The following PCDHGA5 variants were observed in gnomAD, a reference collection of about 807,000 sequenced individuals.
The protein encoded by PCDHGA5 is protocadherin gamma-A5.
In PCDHGA5, 36 loss-of-function variants were observed where a neutral mutation model predicts 56.7. The ratio of observed to expected loss-of-function variants is 0.64; its 90% CI spans 0.49 to 0.84. PCDHGA5 has a LOEUF of 0.84. Ranked by LOEUF, PCDHGA5 falls within the 40% of genes least tolerant of loss-of-function variation. The pLI, the probability that PCDHGA5 is intolerant of heterozygous loss-of-function variation, is 0.00. For missense variants in PCDHGA5, 1,305 were observed against 1,201.5 expected (o/e 1.09, Z -1.27); for synonymous variants, 563 against 520.2 (o/e 1.08, Z -1.12).
At chr5:141,456,309 A>T (rs1305324857) in intron 1 of PCDHGA5, among the ~76,000 whole-genome samples, 1 of 152,138 alleles carries the variant, frequency 6.6e-6, no homozygotes, top group Non-Finnish European at 1.5e-5. Flanking sequence ...AACAGCAGCT[A>T]GGGCTCCTCC....
At chr5:141,371,726 T>G (rs769173416) in intron 1 of PCDHGA5, 3 of 1,613,932 alleles carry the variant, frequency 1.9e-6, no homozygotes, top group Non-Finnish European at 2.5e-6. Context: ...ACATCCTTGA[T>G]GTCAACGACA....
In PCDHGA5 at chr5:141,485,632, G is replaced by A. The variant is rs1335265010; in HGVS notation, c.2422-9175G>A. On this transcript the variant is annotated intron_variant, in intron 1 of 3. Transcript: ENST00000518069. This position sits in a 1 kb window ranked among gnomAD's most constrained non-coding sequence, Gnocchi z 5.7. ...CAGCTCCTCCAGGACAGCGTTTCCCGTTGGAAAAGGCTCAGGATGCAGATG... is the reference window on the plus strand; with the variant it reads ...CAGCTCCTCCAGGACAGCGTTTCCCATTGGAAAAGGCTCAGGATGCAGATG... 1.2e-6 allele frequency: 2 copies of A among 1,611,766 alleles called. No homozygotes were observed. The highest frequency in any genetic ancestry group is 1.7e-6 in the Non-Finnish European group (2 of 1,178,342).
At chr5:141,410,515 G>T in intron 1 of PCDHGA5, 1 of 1,613,946 alleles carries the variant, frequency 6.2e-7, no homozygotes, top group South Asian at 1.1e-5. Flanking sequence ...AATGCAGTGT[G>T]CCCCTACATT....
chr5:141,446,482 C>A (rs961785845), intron 1 of PCDHGA5, among the ~76,000 whole-genome samples: 2 of 146,988 alleles, frequency 1.4e-5, no homozygotes, highest in Non-Finnish European at 3.0e-5. Flanking sequence ...GGTCATCATT[C>A]TTTTTTTTTT....
intron 1 of PCDHGA5, among the ~76,000 whole-genome samples, chr5:141,458,992 C>G (rs1268862644): frequency 6.6e-6 from 1 of 152,190 alleles, no homozygotes; most frequent in African/African-American, 2.4e-5. Flanking sequence ...CTCACCCTCC[C>G]AAAGTGCTGG....
chr5:141,417,709 C>T lies in PCDHGA5; in HGVS notation c.2421+50958C>T, dbSNP rs533902963. 1.5e-5 allele frequency: 18 copies of T among 1,238,872 alleles called. No individual in the cohort carries two copies. The East Asian group carries it at 1.8e-4, about 12-fold the overall frequency. 76.7% of individuals were successfully genotyped at this position (1,238,872 alleles called of 1,614,324 possible). ...AAGAAAACCAGCTCCCACACAGAGG[C>T]TCCCGGCTGCGCAGACCTTGCCCAG... On this transcript the variant is annotated intron_variant, in intron 1 of 3. Coordinates refer to ENST00000518069, the MANE Select transcript of PCDHGA5 (RefSeq NM_018918.3).
intron 1 of PCDHGA5, chr5:141,398,887 A>T: frequency 6.2e-7 from 1 of 1,613,976 alleles, no homozygotes; most frequent in Non-Finnish European, 8.5e-7. Context: ...CCTTCGGGAA[A>T]ACGTGCCACC....
At chr5:141,418,603 G>A (rs769167342) in intron 1 of PCDHGA5, 7 of 1,613,902 alleles carry the variant, frequency 4.3e-6, no homozygotes, top group East Asian at 4.5e-5. Context: ...ACGTGTACAG[G>A]GTTAGCCTTC....
chr5:141,423,415 G>GA (rs750028507), intron 1 of PCDHGA5: 3 of 1,614,134 alleles, frequency 1.9e-6, no homozygotes, highest in Non-Finnish European at 2.5e-6. Context: ...GCAGGCTTCT[G>GA]AAGGCGGGTT....
At chr5:141,390,969 G>A (rs1232299434) in intron 1 of PCDHGA5, 5 of 152,168 alleles carry the variant, frequency 3.3e-5, no homozygotes, top group African/African-American at 4.8e-5. Flanking sequence ...TGTAACATAG[G>A]AGTTTCAGGA....
rs779949817 is a variant in PCDHGA5 at position 141,487,266 on chromosome 5, T to G, written c.2422-7541T>G. The G allele has an allele frequency of 6.2e-7, 1 of 1,614,054 alleles. No individual in the cohort carries two copies. The highest frequency in any genetic ancestry group is 8.5e-7 in the Non-Finnish European group (1 of 1,180,044). On this transcript the variant is annotated intron_variant, in intron 1 of 3. Transcript: ENST00000518069. This position sits in a 1 kb window ranked among gnomAD's most constrained non-coding sequence, Gnocchi z 5.0. The stretch of plus-strand genomic sequence containing the variant: ...ACCCTCTACTTGGCTGTGTCCCTAG[T>G]GGCAATTTGCTTTGTCTCCTTTGGC...
chr5:141,491,800 C>T lies in PCDHGA5; in HGVS notation c.2422-3007C>T. The T allele has an allele frequency of 6.7e-7, 1 of 1,500,854 alleles. No individual in the cohort carries two copies. Among genetic ancestry groups the T allele is most frequent in the Non-Finnish European group, 8.9e-7 (1 of 1,125,316 alleles). 93.0% of individuals were successfully genotyped at this position (1,500,854 alleles called of 1,614,324 possible). A position where few individuals can be genotyped will look rare whatever the true frequency, so the allele number is the denominator to read the frequency against. Reference sequence around the variant, plus strand: ...GAACTTGCATCCACTCCTCTCCGGCCGGCTTGGTCGCTGGCTGCGCTCCAC... The same window carrying T: ...GAACTTGCATCCACTCCTCTCCGGCTGGCTTGGTCGCTGGCTGCGCTCCAC... On this transcript the variant is annotated intron_variant, in intron 1 of 3. Transcript: ENST00000518069. The surrounding 1 kb of genome is among the most constrained non-coding windows in gnomAD (Gnocchi z 6.9).
chr5:141,422,070 A>G (rs1202364320), intron 1 of PCDHGA5: 3 of 1,612,480 alleles, frequency 1.9e-6, no homozygotes, highest in Non-Finnish European at 2.5e-6. Context: ...TAATGTATTC[A>G]TTTCGGAACA....
rs183952562 is a variant in PCDHGA5 at position 141,423,399 on chromosome 5, C to A, written c.2421+56648C>A. On this transcript the variant is annotated intron_variant, in intron 1 of 3. Transcript: ENST00000518069. ...GGCTGTGGCGCTGGCATAAGTCACG[C>A]CTGCTGCAGGCTTCTGAAGGCGGGT... 3.5e-5 allele frequency: 56 copies of A among 1,614,150 alleles called. No homozygotes were observed. The East Asian group carries it at 1.1e-3, about 33-fold the overall frequency.
intron 1 of PCDHGA5, among the ~76,000 whole-genome samples, chr5:141,424,923 T>C (rs1428936860): frequency 6.6e-6 from 1 of 152,186 alleles, no homozygotes; most frequent in African/African-American, 2.4e-5. Flanking sequence ...CCATAATCAA[T>C]TCAGTCAACA....
intron 1 of PCDHGA5, chr5:141,372,682 C>A (rs1169357229): frequency 1.9e-6 from 3 of 1,614,010 alleles, no homozygotes; most frequent in Non-Finnish European, 2.5e-6. Flanking sequence ...TCCTCAAACA[C>A]CGAGTTTAAA....
At chr5:141,505,666 G>T (rs904221281) in intron 3 of PCDHGA5, among the ~76,000 whole-genome samples, 185 bp downstream of exon 3, 3 of 152,180 alleles carry the variant, frequency 2.0e-5, no homozygotes, top group Non-Finnish European at 4.4e-5. Context: ...ACAGCAGAGG[G>T]GTTGGGGGTC....
At chr5:141,413,468 A>C in intron 1 of PCDHGA5, 1 of 1,614,072 alleles carries the variant, frequency 6.2e-7, no homozygotes, top group South Asian at 1.1e-5. Context: ...GACCGGGAGG[A>C]GCTCTGCGCT....
intron 1 of PCDHGA5, chr5:141,423,110 G>C: frequency 6.2e-7 from 1 of 1,613,842 alleles, no homozygotes; most frequent in Non-Finnish European, 8.5e-7. Context: ...GGCGAGGTGC[G>C]TACAGCGCGG....
Sources: gnomAD v4.1 joint callset for allele counts (sites outside exome capture counted in the v4.1 genomes callset) on GRCh38, gnomAD v4.1.1 for gene constraint, Gnocchi (gnomAD v3.1) non-coding constraint, MANE v1.5 for transcripts, NCBI Gene and HGNC (gene_info 2026-07-23, HGNC 2026-07-21) for gene names.